The following PRKCB variants were observed in gnomAD, a reference collection of about 807,000 sequenced individuals.
PRKCB encodes the protein protein kinase C beta type.
PRKCB carries 13 observed loss-of-function variants against 81.5 expected under a neutral mutation model. That is an observed-to-expected ratio of 0.16 (90% CI 0.10 to 0.25). The LOEUF is 0.25. Ranked by LOEUF, PRKCB falls within the 10% of genes least tolerant of loss-of-function variation. The pLI is 1.00. For synonymous variants in PRKCB, 335 were observed against 321.4 expected (o/e 1.04, Z -0.45); for missense variants, 509 against 875.7 (o/e 0.58, Z 5.29).
At chr16:23,968,396 A>G (rs1964515233) in intron 2 of PRKCB, among the ~76,000 whole-genome samples, 1 of 152,216 alleles carries the variant, frequency 6.6e-6, no homozygotes, top group Non-Finnish European at 1.5e-5. Context: ...TACCGTCTGT[A>G]AAGAGGAAGA....
intron 10 of PRKCB, among the ~76,000 whole-genome samples, chr16:24,162,348 C>T (rs1380152808): frequency 1.3e-5 from 2 of 151,708 alleles, no homozygotes; most frequent in African/African-American, 2.4e-5. Flanking sequence ...TGGCTGTTGT[C>T]TCAGTCAGCA....
intron 2 of PRKCB, among the ~76,000 whole-genome samples, chr16:23,847,361 TATCTATCTATCTATCTGTCC>T (rs1302567618): frequency 0.03 from 1,317 of 43,930 alleles, 15 homozygotes; most frequent in East Asian, 0.2. Flanking sequence ...TCTATCTATC[TATCTATCTATCTATCTGTCC>T]ATCTATCTAT....
At chr16:24,040,733 G>A (rs1385098008) in intron 5 of PRKCB, among the ~76,000 whole-genome samples, 1 of 152,174 alleles carries the variant, frequency 6.6e-6, no homozygotes, top group Non-Finnish European at 1.5e-5. Flanking sequence ...CTAAAGTCAG[G>A]AAATGAAGGT....
At chr16:24,153,069 A>T (rs556431872) in intron 9 of PRKCB, among the ~76,000 whole-genome samples, 1 of 152,276 alleles carries the variant, frequency 6.6e-6, no homozygotes, top group Admixed American at 6.5e-5. Flanking sequence ...ATGATCTGGA[A>T]GCTTCTGTGC....
intron 2 of PRKCB, among the ~76,000 whole-genome samples, chr16:23,980,994 T>C (rs1055411152): frequency 6.6e-6 from 1 of 151,996 alleles, no homozygotes; most frequent in East Asian, 1.9e-4. Flanking sequence ...TACAGTCTAC[T>C]CCTTCCATCT....
At chr16:24,119,711 C>T (rs1966776315) in intron 8 of PRKCB, among the ~76,000 whole-genome samples, 1 of 152,062 alleles carries the variant, frequency 6.6e-6, no homozygotes, top group Admixed American at 6.6e-5. Context: ...TCTGTCCTAC[C>T]CTGGCTCTTT....
At chr16:23,958,270 G>A (rs1041496304) in intron 2 of PRKCB, among the ~76,000 whole-genome samples, 1 of 152,126 alleles carries the variant, frequency 6.6e-6, no homozygotes, top group Non-Finnish European at 1.5e-5. Flanking sequence ...GGGATTACAA[G>A]TGTGAGCCAC....
chr16:24,150,247 CT>C (rs1291950137), intron 9 of PRKCB, among the ~76,000 whole-genome samples: 1 of 152,106 alleles, frequency 6.6e-6, no homozygotes. Context: ...AAGAGAATTG[CT>C]TGAACTCGGG....
intron 2 of PRKCB, among the ~76,000 whole-genome samples, chr16:23,914,336 G>A (rs1175081782): frequency 1.3e-5 from 2 of 152,182 alleles, no homozygotes; most frequent in Non-Finnish European, 2.9e-5. Context: ...AGTGGGGCCA[G>A]TACAGCCCAT....
chr16:24,207,085 C>G (rs1351430192), intron 16 of PRKCB, among the ~76,000 whole-genome samples: 2 of 152,216 alleles, frequency 1.3e-5, no homozygotes, highest in Non-Finnish European at 2.9e-5. Flanking sequence ...CATGTGGCGT[C>G]ATGCCCTGAG....
chr16:24,014,938 AG>A (rs1965257437), intron 3 of PRKCB, among the ~76,000 whole-genome samples: 1 of 152,124 alleles, frequency 6.6e-6, no homozygotes, highest in African/African-American at 2.4e-5. Flanking sequence ...CTGGGACTAC[AG>A]GCACCCGCCA....
chr16:23,950,386 G>C (rs534127424), intron 2 of PRKCB, among the ~76,000 whole-genome samples: 1 of 152,280 alleles, frequency 6.6e-6, no homozygotes, highest in African/African-American at 2.4e-5. Flanking sequence ...CCAACCCATT[G>C]TCAGGCAGGG....
chr16:24,031,445 G>C (rs751800798), intron 3 of PRKCB, among the ~76,000 whole-genome samples: 4 of 152,152 alleles, frequency 2.6e-5, no homozygotes, highest in Non-Finnish European at 4.4e-5. Context: ...CATTTGAAGG[G>C]AATGGCCCTG....
intron 5 of PRKCB, among the ~76,000 whole-genome samples, chr16:24,057,989 T>C (rs1326402755): frequency 6.6e-6 from 1 of 152,204 alleles, no homozygotes; most frequent in African/African-American, 2.4e-5. Flanking sequence ...TCCTCACTCC[T>C]GCTCTAAGAG....
intron 8 of PRKCB, among the ~76,000 whole-genome samples, chr16:24,119,353 A>G (rs1966772057): frequency 6.6e-6 from 1 of 152,100 alleles, no homozygotes; most frequent in Admixed American, 6.5e-5. Flanking sequence ...CACCCCCCCA[A>G]AAAAGTCCTT....
At chr16:23,881,657 T>A (rs1435730293) in intron 2 of PRKCB, among the ~76,000 whole-genome samples, 1 of 152,240 alleles carries the variant, frequency 6.6e-6, no homozygotes, top group Non-Finnish European at 1.5e-5. Context: ...TAAAAAATAA[T>A]TACAAAATTT....
chr16:24,166,854 A>G (rs1299056753), intron 10 of PRKCB, among the ~76,000 whole-genome samples: 1 of 152,168 alleles, frequency 6.6e-6, no homozygotes, highest in African/African-American at 2.4e-5. Context: ...TTCAAAGATG[A>G]TAGATCTTAG....
chr16:24,117,315 A>G (rs1395276661), intron 8 of PRKCB, among the ~76,000 whole-genome samples: 1 of 152,242 alleles, frequency 6.6e-6, no homozygotes, highest in Non-Finnish European at 1.5e-5. Flanking sequence ...CACACGTGGT[A>G]TACTTCAGAA....
At chr16:24,176,738 A>G (rs977592116) in intron 12 of PRKCB, among the ~76,000 whole-genome samples, 2 of 152,072 alleles carry the variant, frequency 1.3e-5, no homozygotes, top group Non-Finnish European at 2.9e-5. Context: ...ACTAAAAAAT[A>G]CGAATATTAG....
Sources: allele counts gnomAD v4.1 joint callset (sites outside exome capture counted in the v4.1 genomes callset), GRCh38; gene constraint gnomAD v4.1.1; transcripts MANE v1.5; gene names NCBI Gene and HGNC (gene_info 2026-07-23, HGNC 2026-07-21).